The following FERMT2 variants were observed in gnomAD, a reference collection of about 807,000 sequenced individuals.
FERMT2 encodes the protein FERM domain containing kindlin 2.
In FERMT2, 15 loss-of-function variants were observed where a neutral mutation model predicts 82.7. The observed-to-expected ratio is 0.18, with a 90% confidence interval of 0.12 to 0.28. FERMT2 has a LOEUF of 0.28. Among genes scored for constraint, FERMT2 ranks in the 10% least tolerant of loss-of-function variants. FERMT2 has a pLI of 1.00. For missense variants in FERMT2, 645 were observed against 809.4 expected, an observed-to-expected ratio of 0.80 and a Z score of 2.46; for synonymous variants, 274 against 271.5, an observed-to-expected ratio of 1.01 and a Z score of -0.09.
chr14:52,937,411 T>C (rs1198440217), intron 2 of FERMT2, among the ~76,000 whole-genome samples: 2 of 152,208 alleles, frequency 1.3e-5, no homozygotes, highest in Admixed American at 1.3e-4. Flanking sequence ...TAGTCTATAA[T>C]ACACCATGAA....
At chr14:52,950,713 G>GGCGGCGGCCGGGGCT (rs1890594679) in intron 1 of FERMT2, 136 bp from the exon 2 acceptor site, 2 of 817,420 alleles carry the variant, frequency 2.4e-6, no homozygotes, top group Admixed American at 2.6e-5. Context: ...TCGGGAGGGC[G>GGCGGCGGCCGGGGCT]GCGGCGGCCG....
chr14:52,924,542 C>T (rs1052794693), intron 2 of FERMT2, among the ~76,000 whole-genome samples: 2 of 152,002 alleles, frequency 1.3e-5, no homozygotes. Flanking sequence ...AAAATCATTA[C>T]TGATAATTTT....
intron 3 of FERMT2, among the ~76,000 whole-genome samples, chr14:52,912,794 G>A (rs1888397758): frequency 4.6e-5 from 7 of 152,146 alleles, no homozygotes; most frequent in Admixed American, 4.6e-4. Context: ...ACAGGTGTGA[G>A]CCACCATGCC....
chr14:52,915,561 T>C (rs1167976496), intron 3 of FERMT2, among the ~76,000 whole-genome samples: 2 of 152,218 alleles, frequency 1.3e-5, no homozygotes, highest in Non-Finnish European at 1.5e-5. Flanking sequence ...TTGGCTAGCA[T>C]TTTCTCCTAA....
At chr14:52,938,373 G>A (rs1889944020) in intron 2 of FERMT2, among the ~76,000 whole-genome samples, 1 of 152,146 alleles carries the variant, frequency 6.6e-6, no homozygotes, top group Non-Finnish European at 1.5e-5. Context: ...TGAGCTCTTA[G>A]TATAGTCATT....
intron 2 of FERMT2, among the ~76,000 whole-genome samples, chr14:52,934,339 TAAAACATTA>T (rs1889738206): frequency 6.6e-6 from 1 of 152,136 alleles, no homozygotes; most frequent in African/African-American, 2.4e-5. Flanking sequence ...GTACTGTAAT[TAAAACATTA>T]AAAACATTGA....
At chr14:52,932,686 T>G (rs1889644853) in intron 2 of FERMT2, among the ~76,000 whole-genome samples, 2 of 152,242 alleles carry the variant, frequency 1.3e-5, no homozygotes, top group Non-Finnish European at 1.5e-5. Context: ...ATAATTGGAA[T>G]AACTTCTGAG....
chr14:52,882,310 CAG>C (rs1429897586), intron 4 of FERMT2, among the ~76,000 whole-genome samples: 8 of 150,682 alleles, frequency 5.3e-5, no homozygotes, highest in African/African-American at 1.9e-4. Context: ...AGAGTCTAAA[CAG>C]AGATATATTT....
chr14:52,946,718 G>A (rs1025394065), intron 2 of FERMT2, among the ~76,000 whole-genome samples: 1 of 151,760 alleles, frequency 6.6e-6, no homozygotes, highest in African/African-American at 2.4e-5. Flanking sequence ...TTGCTCTGTC[G>A]CTTAGGCTGG....
rs551711741 is a variant in FERMT2, at chr14:52,886,066, T to G, written c.527-4597A>C. Among the ~76,000 whole-genome samples, 4 of 152,194 alleles carry G rather than the reference T, an allele frequency of 2.6e-5. No individual in the cohort carries two copies. In the South Asian group the frequency reaches 8.3e-4, roughly 32 times the overall value. On this transcript the variant is annotated intron_variant, in intron 4 of 14. Coordinates refer to ENST00000341590, the MANE Select transcript of FERMT2 (RefSeq NM_006832.3). ...ATAAATAAAATAAAGAATCTATCAT[T>G]TGAAAATTAATAGAATATAAATGGC...
rs1884660475 is a variant in FERMT2 at position 52,857,825 on chromosome 14, A to G, written c.*552T>C. 1 of 153,468 alleles carries G rather than the reference A, an allele frequency of 6.5e-6. No individual in the cohort carries two copies. Among genetic ancestry groups the G allele is most frequent in the South Asian group, 2.1e-4 (1 of 4,876 alleles). 9.5% of individuals were successfully genotyped at this position (153,468 alleles called of 1,614,324 possible). ...TACATAACATGCTTATTCAAGGACA[A>G]AAACAAATCAAGCACGACGGACTAA... On this transcript the variant is annotated 3_prime_UTR_variant, in exon 15 of 15. Transcript: ENST00000341590.
At position 52,889,121 on chromosome 14, in the gene FERMT2, T is replaced by C. The variant is rs186408756; in HGVS notation, c.526+4172A>G. On this transcript the variant is annotated intron_variant, in intron 4 of 14. Coordinates refer to ENST00000341590, the MANE Select transcript of FERMT2 (RefSeq NM_006832.3). ...GCAAGTGATTTAGCCACTCTGGGTT[T>C]CTCTTCTCATGCTACCAATTTTTCA... is the stretch of plus-strand genomic sequence containing the variant. Among the ~76,000 whole-genome samples, 234 of 152,328 alleles carry C rather than the reference T, an allele frequency of 1.5e-3. 2 individuals are homozygous for C. Among genetic ancestry groups the C allele is most frequent in the Middle Eastern group, 3.4e-3 (1 of 294 alleles).
rs555083034 is a variant in FERMT2 at position 52,950,252 on chromosome 14, C to G, written c.157+160G>C. Among the ~76,000 whole-genome samples, 12 of 152,312 alleles carry G rather than the reference C, an allele frequency of 7.9e-5. 1 individual carries two copies. In the South Asian group the frequency reaches 2.5e-3, roughly 32 times the overall value. ...AAACAAAATAAGACGCAAAGGGGAA[C>G]AGGTCTATCTGCTTAAATACTGAAA... On this transcript the variant is annotated intron_variant, in intron 2 of 14. Transcript: ENST00000341590.
chr14:52,925,389 C>T (rs1889198346), intron 2 of FERMT2, among the ~76,000 whole-genome samples: 1 of 151,896 alleles, frequency 6.6e-6, no homozygotes, highest in Non-Finnish European at 1.5e-5. Context: ...GAAACCCCAT[C>T]TCTACTAAAA....
In FERMT2 at chr14:52,857,638, A is replaced by T. The variant is rs536913372; in HGVS notation, c.*739T>A. ...TTTTTAAAAAACTGTACAATTTTAT[A>T]AAATTTGTGTTTTTACATTAGTTAC... On this transcript the variant is annotated 3_prime_UTR_variant, in exon 15 of 15. Transcript: ENST00000341590. The T allele has an allele frequency of 1.4e-4, 21 of 152,674 alleles. No homozygotes were observed. The highest frequency in any genetic ancestry group is 2.8e-4 in the Non-Finnish European group (19 of 68,046). 9.5% of individuals were successfully genotyped at this position (152,674 alleles called of 1,614,324 possible).
rs141203806 is a variant in FERMT2, at chr14:52,947,606, TCTAA to T, written c.157+2802_157+2805del. 9.3e-3 allele frequency among the ~76,000 whole-genome samples: 1,414 copies of T among 152,306 alleles called. 21 individuals are homozygous for T. The highest frequency in any genetic ancestry group is 0.032 in the African/African-American group (1,331 of 41,570). The stretch of plus-strand genomic sequence containing the variant: ...GTGTACACGTTATTTATAATAAAAG[TCTAA>T]CTAAACACAAAGATATTACTGACAC... On this transcript the variant is annotated intron_variant, in intron 2 of 14. Transcript: ENST00000341590.
chr14:52,870,983 T>C (rs574088846), intron 10 of FERMT2, among the ~76,000 whole-genome samples: 2 of 152,332 alleles, frequency 1.3e-5, no homozygotes, highest in East Asian at 1.9e-4. Flanking sequence ...TCTACAAAAA[T>C]ATGTGTACGT....
chr14:52,899,387 A>T (rs2139570329), intron 3 of FERMT2, among the ~76,000 whole-genome samples: 1 of 152,262 alleles, frequency 6.6e-6, no homozygotes, highest in Admixed American at 6.5e-5. Flanking sequence ...GGCTCAAGCG[A>T]TTCCCCTGCC....
At chr14:52,929,422 T>C (rs944498287) in intron 2 of FERMT2, among the ~76,000 whole-genome samples, 1 of 152,204 alleles carries the variant, frequency 6.6e-6, no homozygotes, top group African/African-American at 2.4e-5. Flanking sequence ...TTTCATGCCA[T>C]TCCCCTGCTG....
Sources: allele counts gnomAD v4.1 joint callset (sites outside exome capture counted in the v4.1 genomes callset), GRCh38; gene constraint gnomAD v4.1.1; transcripts MANE v1.5; gene names NCBI Gene and HGNC (gene_info 2026-07-23, HGNC 2026-07-21).